Variants in OSBPL6 observed in about 807,000 individuals in gnomAD.
OSBPL6 encodes the protein oxysterol-binding protein-related protein 6.
OSBPL6 carries 49 observed loss-of-function variants against 125.8 expected under a neutral mutation model. The ratio of observed to expected loss-of-function variants is 0.39; its 90% confidence interval spans 0.31 to 0.49. The LOEUF (loss-of-function observed/expected upper bound fraction) is 0.49, where lower values mean the gene tolerates loss of function less well. OSBPL6 is among the 20% of genes least tolerant of loss of function. The pLI is 0.88. For synonymous variants in OSBPL6, 394 were observed against 391.8 expected, an observed-to-expected ratio of 1.01 and a Z score of -0.07; for missense variants, 986 against 1,135.4, an observed-to-expected ratio of 0.87 and a Z score of 1.89.
At chr2:178,361,559 A>G in intron 12 of OSBPL6, 123 bp from the exon 13 acceptor site, 1 of 1,093,332 alleles carries the variant, frequency 9.1e-7, no homozygotes, top group Non-Finnish European at 1.3e-6. Context: ...ATTTTTAATT[A>G]GACTATTACA....
chr2:178,223,922 G>A (rs1295089153), intron 1 of OSBPL6, among the ~76,000 whole-genome samples: 11 of 152,216 alleles, frequency 7.2e-5, no homozygotes, highest in Non-Finnish European at 1.5e-4. Context: ...TGGCTAGTGT[G>A]ACCTTCACAT....
rs1052901519 is a variant in OSBPL6, at chr2:178,399,332, G to C, written c.*3773G>C. ...TCCAAAGTAGGATTCGGTCCTGTAA[G>C]TCCTAACTGAATTTCTTTTGTAAAA... is the stretch of plus-strand genomic sequence containing the variant. On this transcript the variant is annotated 3_prime_UTR_variant, in exon 25 of 25. Coordinates refer to ENST00000190611, the MANE Select transcript of OSBPL6 (RefSeq NM_032523.4). 6.6e-6 allele frequency: 1 copy of C among 152,144 alleles called. No individual in the cohort carries two copies. The highest frequency in any genetic ancestry group is 2.4e-5 in the African/African-American group (1 of 41,428). 9.4% of individuals were successfully genotyped at this position (152,144 alleles called of 1,614,324 possible). A position where few individuals can be genotyped will look rare whatever the true frequency, so the allele number is the denominator to read the frequency against.
At chr2:178,363,078 A>T (rs918387998) in intron 13 of OSBPL6, among the ~76,000 whole-genome samples, 1 of 152,232 alleles carries the variant, frequency 6.6e-6, no homozygotes, top group Non-Finnish European at 1.5e-5. Flanking sequence ...TCTTGTAAAC[A>T]TATAAAATAC....
chr2:178,341,927 T>C (rs1337526959), intron 11 of OSBPL6, among the ~76,000 whole-genome samples: 1 of 152,146 alleles, frequency 6.6e-6, no homozygotes, highest in East Asian at 1.9e-4. Flanking sequence ...GAATCATAAG[T>C]TCATCTAGGA....
chr2:178,231,944 TAA>T (rs1031462895), intron 1 of OSBPL6, among the ~76,000 whole-genome samples: 21 of 152,282 alleles, frequency 1.4e-4, no homozygotes, highest in Admixed American at 1.1e-3. Context: ...TTTATAAACT[TAA>T]ACACGGTTAA....
chr2:178,203,010 AT>A (rs1342027594), intron 1 of OSBPL6, among the ~76,000 whole-genome samples: 1 of 151,900 alleles, frequency 6.6e-6, no homozygotes, highest in Non-Finnish European at 1.5e-5. Context: ...TTCTTCACAC[AT>A]GGTTTTCTGT....
Position 178,395,582 on chromosome 2 carries a change from A to G in OSBPL6, c.*23A>G. ...TAGACTGGGAATGTAGAGCTAGCCA[A>G]CATATCACATTCTGAATGAATAAAT... On this transcript the variant is annotated 3_prime_UTR_variant, in exon 25 of 25. Transcript: ENST00000190611. The G allele has an allele frequency of 6.8e-7, 1 of 1,474,598 alleles. No individual in the cohort carries two copies. Among genetic ancestry groups the G allele is most frequent in the Non-Finnish European group, 9.5e-7 (1 of 1,056,658 alleles). 91.3% of individuals were successfully genotyped at this position (1,474,598 alleles called of 1,614,324 possible).
chr2:178,357,877 A>T (rs891383655), intron 12 of OSBPL6, among the ~76,000 whole-genome samples: 11 of 152,256 alleles, frequency 7.2e-5, no homozygotes, highest in African/African-American at 2.7e-4. Context: ...AATGTGGCAC[A>T]TATACACCAT....
At chr2:178,326,651 C>T (rs1024201770) in intron 4 of OSBPL6, among the ~76,000 whole-genome samples, 8 of 152,156 alleles carry the variant, frequency 5.3e-5, no homozygotes, top group Non-Finnish European at 1.2e-4. Context: ...TCATTTCTTA[C>T]ACACTGTATT....
Position 178,402,836 on chromosome 2 carries a change from A to G in OSBPL6, c.*7277A>G, listed in dbSNP as rs1696135008. ...TGTGCCTCTTCAATGAATGTTGTAT[A>G]TGAGAATGTTACATTTGTAACAGCA... On this transcript the variant is annotated 3_prime_UTR_variant, in exon 25 of 25. Coordinates refer to ENST00000190611, the MANE Select transcript of OSBPL6 (RefSeq NM_032523.4). 1 of 152,214 alleles carries G rather than the reference A, an allele frequency of 6.6e-6. No homozygotes were observed. Among genetic ancestry groups the G allele is most frequent in the Non-Finnish European group, 1.5e-5 (1 of 68,028 alleles). The allele number at this position is 152,214 out of a possible 1,614,324, so 9.4% of individuals were successfully genotyped here.
intron 1 of OSBPL6, among the ~76,000 whole-genome samples, chr2:178,226,383 G>A (rs1189820983): frequency 2.6e-5 from 4 of 152,164 alleles, no homozygotes; most frequent in East Asian, 1.9e-4. Context: ...GCTGGGTGGT[G>A]TAGGTCAGCT....
intron 8 of OSBPL6, among the ~76,000 whole-genome samples, chr2:178,334,810 C>T (rs753647788): frequency 8.5e-5 from 13 of 152,240 alleles, no homozygotes; most frequent in Non-Finnish European, 1.9e-4. Flanking sequence ...GCGTGAGCCA[C>T]CACACCTGGC....
chr2:178,371,187 C>G (rs561740056), intron 13 of OSBPL6, among the ~76,000 whole-genome samples: 1 of 152,254 alleles, frequency 6.6e-6, no homozygotes, highest in South Asian at 2.1e-4. Flanking sequence ...TTCTCTGGGC[C>G]TTGTCTTCTC....
chr2:178,352,605 C>T (rs2154091879), intron 12 of OSBPL6, among the ~76,000 whole-genome samples: 1 of 152,296 alleles, frequency 6.6e-6, no homozygotes, highest in East Asian at 1.9e-4. Context: ...TGGGCAGAGC[C>T]CACTGCAGCT....
intron 8 of OSBPL6, among the ~76,000 whole-genome samples, chr2:178,334,203 G>A (rs778171374): frequency 7.2e-5 from 11 of 152,178 alleles, no homozygotes; most frequent in Non-Finnish European, 1.2e-4. Context: ...CACTGCGCAG[G>A]GGTGCTCCGC....
chr2:178,385,012 A>G (rs1162508970), intron 18 of OSBPL6, among the ~76,000 whole-genome samples: 1 of 152,136 alleles, frequency 6.6e-6, no homozygotes, highest in Non-Finnish European at 1.5e-5. Context: ...GCATGTTCTC[A>G]CTCATAAGTG....
chr2:178,381,498 C>T (rs573670352), intron 15 of OSBPL6, among the ~76,000 whole-genome samples: 7 of 152,194 alleles, frequency 4.6e-5, no homozygotes, highest in South Asian at 2.1e-4. Flanking sequence ...GGACTGCAGG[C>T]GCATGCCACC....
At chr2:178,206,772 G>T (rs1327030746) in intron 1 of OSBPL6, among the ~76,000 whole-genome samples, 1 of 152,050 alleles carries the variant, frequency 6.6e-6, no homozygotes, top group Non-Finnish European at 1.5e-5. Context: ...CTGCCATCAT[G>T]CCCAGCTAAT....
At chr2:178,214,190 C>T (rs2089987533) in intron 1 of OSBPL6, among the ~76,000 whole-genome samples, 1 of 152,108 alleles carries the variant, frequency 6.6e-6, no homozygotes, top group Non-Finnish European at 1.5e-5. Flanking sequence ...GAAGCCGTGG[C>T]ATATGTTATA....
Sources: gnomAD v4.1 joint callset for allele counts (sites outside exome capture counted in the v4.1 genomes callset) on GRCh38, gnomAD v4.1.1 for gene constraint, MANE v1.5 for transcripts, NCBI Gene and HGNC (gene_info 2026-07-23, HGNC 2026-07-21) for gene names.